The following LRRC4C variants were observed in gnomAD, a reference collection of about 807,000 sequenced individuals.
LRRC4C encodes leucine rich repeat containing 4C.
A neutral mutation model predicts 33.6 loss-of-function variants in LRRC4C; 5 were observed. The ratio of observed to expected loss-of-function variants is 0.15; its 90% CI spans 0.08 to 0.31. The LOEUF is 0.31. Ranked by LOEUF, LRRC4C falls within the 10% of genes least tolerant of loss-of-function variation. The pLI, the probability that LRRC4C is intolerant of heterozygous loss-of-function variation, is 1.00. For missense variants in LRRC4C, 560 were observed against 796.7 expected (o/e 0.70, Z 3.58); for synonymous variants, 329 against 302.0 (o/e 1.09, Z -0.93).
At chr11:40,264,331 T>TA (rs1275329868) in intron 4 of LRRC4C, among the ~76,000 whole-genome samples, 1 of 152,102 alleles carries the variant, frequency 6.6e-6, no homozygotes, top group African/African-American at 2.4e-5. Context: ...GTTGCTGGGT[T>TA]AAAAAAAATT....
chr11:40,131,175 C>A (rs1326833843), intron 6 of LRRC4C, among the ~76,000 whole-genome samples: 1 of 152,036 alleles, frequency 6.6e-6, no homozygotes, highest in Non-Finnish European at 1.5e-5. Context: ...TAGTCAGCAG[C>A]CAAATTGATA....
chr11:41,251,134 A>G (rs1335713152), intron 1 of LRRC4C, among the ~76,000 whole-genome samples: 1 of 152,242 alleles, frequency 6.6e-6, no homozygotes, highest in African/African-American at 2.4e-5. Context: ...TTTATTTTAC[A>G]AAAGCATTTT....
chr11:40,137,956 G>A (rs1398275244), intron 6 of LRRC4C, among the ~76,000 whole-genome samples: 3 of 152,080 alleles, frequency 2.0e-5, no homozygotes, highest in Admixed American at 1.3e-4. Context: ...CAAAAAACAC[G>A]GTATGCTTTC....
intron 1 of LRRC4C, among the ~76,000 whole-genome samples, chr11:41,027,351 A>G (rs1287360640): frequency 6.6e-6 from 1 of 151,668 alleles, no homozygotes; most frequent in Non-Finnish European, 1.5e-5. Flanking sequence ...ACAGGTACCA[A>G]AGGAATAGCA....
chr11:41,002,584 A>G (rs1339750229), intron 1 of LRRC4C, among the ~76,000 whole-genome samples: 2 of 152,228 alleles, frequency 1.3e-5, no homozygotes, highest in African/African-American at 4.8e-5. Flanking sequence ...AGAGCTAAAA[A>G]TCACCAAATT....
intron 1 of LRRC4C, among the ~76,000 whole-genome samples, chr11:41,399,282 A>G (rs975389296): frequency 2.0e-5 from 3 of 152,004 alleles, no homozygotes; most frequent in Admixed American, 6.6e-5. Context: ...GCTGCTGAAC[A>G]TATCTTGAAC....
chr11:40,369,467 T>A (rs941340134), intron 3 of LRRC4C, among the ~76,000 whole-genome samples: 1 of 152,126 alleles, frequency 6.6e-6, no homozygotes, highest in African/African-American at 2.4e-5. Flanking sequence ...GCCTCCTGAG[T>A]AGCTGGGATT....
intron 3 of LRRC4C, among the ~76,000 whole-genome samples, chr11:40,378,699 G>T (rs536299892): frequency 2.0e-5 from 3 of 151,972 alleles, no homozygotes; most frequent in African/African-American, 7.2e-5. Context: ...TAGCTAAAAC[G>T]TCCCTTCCAA....
chr11:40,921,505 A>G (rs1333151275), intron 2 of LRRC4C, among the ~76,000 whole-genome samples: 1 of 152,162 alleles, frequency 6.6e-6, no homozygotes, highest in East Asian at 1.9e-4. Context: ...CCCTTAGATC[A>G]CCAAGAAGAG....
chr11:40,202,956 T>C (rs1231752092), intron 5 of LRRC4C, among the ~76,000 whole-genome samples: 1 of 152,206 alleles, frequency 6.6e-6, no homozygotes, highest in Non-Finnish European at 1.5e-5. Context: ...ATATTAATTA[T>C]AAAATCATCT....
chr11:40,621,779 T>C (rs1962479043), intron 3 of LRRC4C, among the ~76,000 whole-genome samples: 1 of 149,980 alleles, frequency 6.7e-6, no homozygotes, highest in Non-Finnish European at 1.5e-5. Context: ...ATTTATATAG[T>C]ACTTAATATC....
chr11:40,671,751 C>G (rs1944131557), intron 2 of LRRC4C, among the ~76,000 whole-genome samples: 1 of 151,406 alleles, frequency 6.6e-6, no homozygotes, highest in Admixed American at 6.6e-5. Context: ...AAATAACCCT[C>G]ATCTTCATAA....
At chr11:40,937,650 GGTT>G (rs1166646395) in intron 1 of LRRC4C, among the ~76,000 whole-genome samples, 9 of 137,996 alleles carry the variant, frequency 6.5e-5, no homozygotes, top group Admixed American at 1.4e-4. Flanking sequence ...TGTGTAGGGT[GGTT>G]GTTGTTGTCT....
chr11:40,134,479 A>T (rs1022531720), intron 6 of LRRC4C, among the ~76,000 whole-genome samples: 1 of 152,164 alleles, frequency 6.6e-6, no homozygotes, highest in East Asian at 1.9e-4. Flanking sequence ...TATAAGCAAA[A>T]CTCTAAGATG....
intron 3 of LRRC4C, among the ~76,000 whole-genome samples, chr11:40,636,095 T>C (rs553815037): frequency 9.2e-5 from 14 of 152,210 alleles, no homozygotes; most frequent in South Asian, 4.2e-4. Context: ...CTCTCGGACA[T>C]TGGGACAACT....
intron 1 of LRRC4C, among the ~76,000 whole-genome samples, chr11:41,264,205 C>T (rs916550134): frequency 2.6e-5 from 4 of 151,520 alleles, no homozygotes; most frequent in African/African-American, 7.3e-5. Context: ...AATGCTCCTG[C>T]CTTAGCCTTC....
chr11:40,254,409 C>T lies in LRRC4C; in HGVS notation c.-175-12811G>A, dbSNP rs76775656. Among the ~76,000 whole-genome samples the T allele has an allele frequency of 1.8e-3, 278 of 152,302 alleles. 1 individual carries two copies. The highest frequency in any genetic ancestry group is 6.5e-3 in the African/African-American group (269 of 41,576). On this transcript the variant is annotated intron_variant, in intron 4 of 6. Transcript: ENST00000528697. ...ATGATAAAGCTAGACAGCAGAATTT[C>T]AGCCACGTGCTGCTCACTTGTACAT... is the stretch of plus-strand genomic sequence containing the variant.
At chr11:41,151,458 A>T (rs1565430105) in intron 1 of LRRC4C, among the ~76,000 whole-genome samples, 1 of 152,216 alleles carries the variant, frequency 6.6e-6, no homozygotes, top group Admixed American at 6.6e-5. Context: ...TAGAATACTT[A>T]GTGGCTACTT....
At chr11:40,819,754 T>C (rs1461660077) in intron 2 of LRRC4C, among the ~76,000 whole-genome samples, 2 of 145,942 alleles carry the variant, frequency 1.4e-5, no homozygotes, top group East Asian at 1.9e-4. Flanking sequence ...TGATTCACCA[T>C]ACACTGCATC....
Sources: allele counts gnomAD v4.1 joint callset (sites outside exome capture counted in the v4.1 genomes callset), GRCh38; gene constraint gnomAD v4.1.1; transcripts MANE v1.5; gene names NCBI Gene and HGNC (gene_info 2026-07-23, HGNC 2026-07-21).